BARD1: variants seen among roughly 807,000 people sequenced by gnomAD.
BARD1 encodes BRCA1-associated RING domain protein 1.
Under a neutral mutation model 77.0 loss-of-function variants are expected in BARD1, and 73 were observed. The observed-to-expected ratio is 0.95, with a 90% CI of 0.79 to 1.15. BARD1 has a LOEUF of 1.15. BARD1 is among the 50% of genes most tolerant of loss of function. BARD1 has a pLI of 0.00. For missense variants in BARD1, 993 were observed against 938.8 expected (o/e 1.06, Z -0.75); for synonymous variants, 384 against 338.0 (o/e 1.14, Z -1.49).
intron 7 of BARD1, among the ~76,000 whole-genome samples, chr2:214,749,679 A>G (rs968074253): frequency 6.6e-6 from 1 of 152,182 alleles, no homozygotes. Context: ...GAAGAAAACA[A>G]GTCAATTTAT....
chr2:214,809,352 G>A, intron 1 of BARD1, 60 bp downstream of exon 1: 3 of 1,599,516 alleles, frequency 1.9e-6, no homozygotes, highest in African/African-American at 1.3e-5. Flanking sequence ...AGATTCTGCC[G>A]CCCCCAGAAA....
chr2:214,792,458 TAAAAA>T lies in BARD1; in HGVS notation c.216-18_216-14del. On this transcript the variant is annotated splice_polypyrimidine_tract_variant and intron_variant, in intron 2 of 10. Coordinates refer to ENST00000260947, the MANE Select transcript of BARD1 (RefSeq NM_000465.4). Reference sequence around the variant, plus strand: ...ACTTACACAATTACTTTAAAATAATTAAAAAAAAAAAAAAAAGCAACCCATTCAGC... The same window carrying T: ...ACTTACACAATTACTTTAAAATAATTAAAAAAAAAAAGCAACCCATTCAGC... 2 of 1,400,422 alleles carry T rather than the reference TAAAAA, an allele frequency of 1.4e-6. No homozygotes were observed. The highest frequency in any genetic ancestry group is 9.4e-7 in the Non-Finnish European group (1 of 1,062,444). The allele number at this position is 1,400,422 out of a possible 1,614,324, so 86.7% of individuals were successfully genotyped here.
At chr2:214,779,020 C>T (rs922855229) in intron 4 of BARD1, among the ~76,000 whole-genome samples, 2 of 152,096 alleles carry the variant, frequency 1.3e-5, no homozygotes, top group African/African-American at 2.4e-5. Context: ...CTTATATGTA[C>T]ATATAATATA....
At chr2:214,764,403 C>G (rs1375582718) in intron 6 of BARD1, among the ~76,000 whole-genome samples, 3 of 152,100 alleles carry the variant, frequency 2.0e-5, no homozygotes, top group Non-Finnish European at 4.4e-5. Flanking sequence ...GACAGGATAA[C>G]CCAGGTGAAA....
chr2:214,804,511 C>T lies in BARD1; in HGVS notation c.158+4901G>A, dbSNP rs905914697. Among the ~76,000 whole-genome samples the T allele has an allele frequency of 2.6e-5, 4 of 152,174 alleles. 1 individual carries two copies. Reference sequence around the variant, plus strand: ...TCTAACTTGGAAGATACGATACAAGCTGAACACCAATGATTTGTGCCTTTT... The same window carrying T: ...TCTAACTTGGAAGATACGATACAAGTTGAACACCAATGATTTGTGCCTTTT... On this transcript the variant is annotated intron_variant, in intron 1 of 10. Transcript: ENST00000260947.
chr2:214,775,407 A>G (rs1307590376), intron 4 of BARD1, among the ~76,000 whole-genome samples: 1 of 152,216 alleles, frequency 6.6e-6, no homozygotes, highest in Admixed American at 6.5e-5. Flanking sequence ...GAATAGTCAG[A>G]AAAGACATTT....
intron 10 of BARD1, 21 bp downstream of exon 10, chr2:214,730,390 G>C (rs781133235): frequency 6.3e-7 from 1 of 1,591,770 alleles, no homozygotes; most frequent in South Asian, 1.1e-5. Flanking sequence ...AACAATGAAA[G>C]TTGTATTAAA....
chr2:214,784,958 C>T (rs758931007), intron 3 of BARD1, among the ~76,000 whole-genome samples: 3 of 151,400 alleles, frequency 2.0e-5, no homozygotes, highest in Non-Finnish European at 4.4e-5. Flanking sequence ...CAAACCACCA[C>T]GGCATGTGTA....
At chr2:214,770,772 G>GGA (rs1471303964) in intron 4 of BARD1, among the ~76,000 whole-genome samples, 4 of 151,084 alleles carry the variant, frequency 2.6e-5, no homozygotes, top group African/African-American at 9.9e-5. Context: ...CTCCAGCGAA[G>GGA]GTAGACTGTG....
intron 6 of BARD1, among the ~76,000 whole-genome samples, chr2:214,757,134 G>A (rs1693730469): frequency 6.6e-6 from 1 of 152,002 alleles, no homozygotes; most frequent in African/African-American, 2.4e-5. Context: ...GGGGAGCCAT[G>A]AGCCAATTAA....
intron 1 of BARD1, among the ~76,000 whole-genome samples, chr2:214,799,541 G>A (rs1317107770): frequency 1.3e-5 from 2 of 151,880 alleles, no homozygotes; most frequent in Non-Finnish European, 2.9e-5. Context: ...ACCCTTCCTA[G>A]AGTCTAAGAG....
chr2:214,728,483 C>A lies in BARD1; in HGVS notation c.*193G>T. On this transcript the variant is annotated 3_prime_UTR_variant, in exon 11 of 11. Coordinates refer to ENST00000260947, the MANE Select transcript of BARD1 (RefSeq NM_000465.4). ...TTTTAAAAAGAAAAACCTTTAAAAG[C>A]AATCCCAGCTTCTAAATGGTAAACA... 3 of 614,718 alleles carry A rather than the reference C, an allele frequency of 4.9e-6. No individual in the cohort carries two copies. Among genetic ancestry groups the A allele is most frequent in the South Asian group, 2.1e-5 (1 of 47,248 alleles). The allele number at this position is 614,718 out of a possible 1,614,324, so 38.1% of individuals were successfully genotyped here.
chr2:214,740,963 T>C (rs1692796592), intron 9 of BARD1, among the ~76,000 whole-genome samples: 1 of 152,106 alleles, frequency 6.6e-6, no homozygotes, highest in African/African-American at 2.4e-5. Context: ...ATTTTAAAAT[T>C]CCATAGTACT....
chr2:214,778,203 TC>T (rs1441394620), intron 4 of BARD1, among the ~76,000 whole-genome samples: 12 of 83,518 alleles, frequency 1.4e-4, no homozygotes, highest in African/African-American at 5.2e-4. Context: ...CCCCCGCCCC[TC>T]CCCCCACCCC....
At chr2:214,751,407 C>A (rs1693446456) in intron 7 of BARD1, among the ~76,000 whole-genome samples, 1 of 151,414 alleles carries the variant, frequency 6.6e-6, no homozygotes, top group Admixed American at 6.6e-5. Context: ...AAGTGATCCA[C>A]CCGCCCCAGC....
intron 1 of BARD1, among the ~76,000 whole-genome samples, chr2:214,801,089 G>A (rs1695996052): frequency 6.6e-6 from 1 of 152,232 alleles, no homozygotes; most frequent in Admixed American, 6.5e-5. Context: ...GATGAAGGAT[G>A]AAGCAAAGAA....
chr2:214,728,826 A>G lies in BARD1; in HGVS notation c.2184T>C (p.Ser728=), dbSNP rs1559372027. The change falls in exon 11 of 11, where the codon TCT becomes TCC. Residue 728 remains serine (S), a synonymous_variant. Transcript: ENST00000260947. ...TATACTGTGTGCAGAAGCGCTGATC[A>G]GAATCGGGTCTCGCATGGTATGCGA... The part of the protein sequence containing the change: ...NTVAYHARPD[S]DQRFCTQYII... 1 of 1,614,210 alleles carries G rather than the reference A, an allele frequency of 6.2e-7. No homozygotes were observed. Among genetic ancestry groups the G allele is most frequent in the Non-Finnish European group, 8.5e-7 (1 of 1,180,026 alleles).
In BARD1 at chr2:214,759,437, T is replaced by C. The variant is rs78609564; in HGVS notation, c.1569-6882A>G. 2.0e-5 allele frequency among the ~76,000 whole-genome samples: 3 copies of C among 152,256 alleles called. No individual in the cohort carries two copies. In the East Asian group the frequency reaches 5.8e-4, roughly 29 times the overall value. ...AGATTACCAATGATGTTTTGAACAG[T>C]TATAAATACTCCCAGACAACAAAGA... On this transcript the variant is annotated intron_variant, in intron 6 of 10. Coordinates refer to ENST00000260947, the MANE Select transcript of BARD1 (RefSeq NM_000465.4).
intron 2 of BARD1, among the ~76,000 whole-genome samples, chr2:214,793,795 G>T (rs1187959118): frequency 6.6e-6 from 1 of 151,988 alleles, no homozygotes; most frequent in Non-Finnish European, 1.5e-5. Context: ...GACCTGTATA[G>T]CTCAGTGAGT....
Sources: allele counts gnomAD v4.1 joint callset (sites outside exome capture counted in the v4.1 genomes callset), GRCh38; gene constraint gnomAD v4.1.1; transcripts MANE v1.5; gene names NCBI Gene and HGNC (gene_info 2026-07-23, HGNC 2026-07-21).